Variants in UTRN observed in about 807,000 individuals in gnomAD.
UTRN encodes the protein dystrophin-related protein 1.
Under a neutral mutation model 463.9 loss-of-function variants are expected in UTRN, and 283 were observed. That is an observed-to-expected ratio of 0.61 (90% CI 0.55 to 0.67). The LOEUF (loss-of-function observed/expected upper bound fraction) is 0.67. Among genes scored for constraint, UTRN ranks in the 30% least tolerant of loss-of-function variants. The probability of loss-of-function intolerance (pLI) is 0.00; values close to 1 mark genes in which losing one functional copy is unlikely to be tolerated. For synonymous variants in UTRN, 1,442 were observed against 1,431.5 expected, an observed-to-expected ratio of 1.01 and a Z score of -0.17; for missense variants, 3,922 against 4,084.3, an observed-to-expected ratio of 0.96 and a Z score of 1.08.
intron 2 of UTRN, among the ~76,000 whole-genome samples, chr6:144,296,134 C>G (rs1033633493): frequency 5.3e-5 from 8 of 152,186 alleles, no homozygotes; most frequent in African/African-American, 1.9e-4. Context: ...ACAGGGCTCC[C>G]CAACTCCCAG....
At chr6:144,357,317 G>A (rs1198198062) in intron 2 of UTRN, among the ~76,000 whole-genome samples, 1 of 152,178 alleles carries the variant, frequency 6.6e-6, no homozygotes, top group African/African-American at 2.4e-5. Flanking sequence ...CCTGTTATTT[G>A]TTAAGTTAAG....
At position 144,625,893 on chromosome 6, in the gene UTRN, A is replaced by G. The variant is rs554253980; in HGVS notation, c.7479+48605A>G. On this transcript the variant is annotated intron_variant, in intron 51 of 74. Transcript: ENST00000367545. ...TAATTGTTTTGAAAACATAAACAAA[A>G]CTGGAGATTTTATAAAGCCTTGTTC... 7.9e-5 allele frequency among the ~76,000 whole-genome samples: 12 copies of G among 152,316 alleles called. No homozygotes were observed. The East Asian group carries it at 2.3e-3, about 29-fold the overall frequency.
intron 10 of UTRN, among the ~76,000 whole-genome samples, chr6:144,436,734 G>A (rs1044252456): frequency 2.8e-5 from 4 of 144,166 alleles, no homozygotes; most frequent in African/African-American, 1.0e-4. Context: ...TTCCTCTTGG[G>A]TGAGTATGGT....
At chr6:144,590,282 C>T (rs1446541300) in intron 51 of UTRN, among the ~76,000 whole-genome samples, 2 of 152,106 alleles carry the variant, frequency 1.3e-5, no homozygotes, top group Non-Finnish European at 1.5e-5. Flanking sequence ...GTTCATTTTG[C>T]ACTTTGATAA....
Position 144,424,112 on chromosome 6 carries a change from T to C in UTRN, c.405+34T>C, listed in dbSNP as rs1340260315. ...ATTTCCAATCACTTTTTAATAGAGA[T>C]GGAAAATGTGTTGTTTGTCTTTTAG... On this transcript the variant is annotated intron_variant, in intron 6 of 74. Coordinates refer to ENST00000367545, the MANE Select transcript of UTRN (RefSeq NM_007124.3). 4 of 1,596,656 alleles carry C rather than the reference T, an allele frequency of 2.5e-6. No homozygotes were observed. In the Admixed American group the frequency reaches 6.8e-5, roughly 27 times the overall value.
Position 144,818,536 on chromosome 6 carries a change from C to T in UTRN, c.9358-2346C>T, listed in dbSNP as rs577072052. ...CTGGCCTAAGAGATCAAAACTTTTA[C>T]ATTGCTAGGTATGGAGTTTACTCCC... On this transcript the variant is annotated intron_variant, in intron 65 of 74. Coordinates refer to ENST00000367545, the MANE Select transcript of UTRN (RefSeq NM_007124.3). Among the ~76,000 whole-genome samples the T allele has an allele frequency of 3.3e-5, 5 of 152,300 alleles. No homozygotes were observed. The South Asian group carries it at 8.3e-4, about 25-fold the overall frequency.
intron 73 of UTRN, among the ~76,000 whole-genome samples, chr6:144,841,888 G>T (rs1781604375): frequency 6.6e-6 from 1 of 151,956 alleles, no homozygotes; most frequent in Non-Finnish European, 1.5e-5. Context: ...GAGGCAGGTG[G>T]ATCATGAGAT....
At chr6:144,318,573 C>T (rs1237764688) in intron 2 of UTRN, among the ~76,000 whole-genome samples, 1 of 152,178 alleles carries the variant, frequency 6.6e-6, no homozygotes, top group Non-Finnish European at 1.5e-5. Context: ...AGGTGATCCT[C>T]ATGCCTCAGC....
rs747577983 is a variant in UTRN, at chr6:144,757,882, G to C, written c.8435-47G>C. The C allele has an allele frequency of 5.8e-5, 91 of 1,570,962 alleles. 1 individual carries two copies. The South Asian group carries it at 9.6e-4, about 17-fold the overall frequency. On this transcript the variant is annotated intron_variant, in intron 57 of 74. Coordinates refer to ENST00000367545, the MANE Select transcript of UTRN (RefSeq NM_007124.3). ...CAGTTGTTTTGCATTAAGGTGTAAG[G>C]CTTTTTGGTTTCCAACGTTTCCAAT...
intron 14 of UTRN, among the ~76,000 whole-genome samples, chr6:144,445,648 A>T (rs1015557874): frequency 2.6e-5 from 4 of 151,640 alleles, no homozygotes; most frequent in African/African-American, 7.3e-5. Context: ...TTTACATTTC[A>T]TGTTACAAAT....
At chr6:144,649,540 G>A (rs570975085) in intron 51 of UTRN, among the ~76,000 whole-genome samples, 4 of 152,280 alleles carry the variant, frequency 2.6e-5, no homozygotes, top group Non-Finnish European at 5.9e-5. Flanking sequence ...CTATTGGACA[G>A]CACTGCATCA....
chr6:144,363,565 A>G lies in UTRN; in HGVS notation c.80-39558A>G, dbSNP rs148515059. ...GTAGCAAACCTGCAGATGGGCAGAG[A>G]TACAAACTCACTCAACTCACATTAC... On this transcript the variant is annotated intron_variant, in intron 2 of 74. Coordinates refer to ENST00000367545, the MANE Select transcript of UTRN (RefSeq NM_007124.3). Among the ~76,000 whole-genome samples the G allele has an allele frequency of 1.8e-4, 27 of 152,366 alleles. 2 individuals are homozygous for G. The highest frequency in any genetic ancestry group is 6.5e-4 in the African/African-American group (27 of 41,590).
chr6:144,555,282 A>C (rs1184382123), intron 49 of UTRN, among the ~76,000 whole-genome samples: 1 of 152,158 alleles, frequency 6.6e-6, no homozygotes, highest in African/African-American at 2.4e-5. Flanking sequence ...AAGGAGATTT[A>C]ATTGACTCAC....
At chr6:144,382,992 T>C (rs755067182) in intron 2 of UTRN, among the ~76,000 whole-genome samples, 6 of 152,226 alleles carry the variant, frequency 3.9e-5, no homozygotes, top group Non-Finnish European at 8.8e-5. Flanking sequence ...AGTGCAGTGG[T>C]GTGATCATGG....
intron 62 of UTRN, among the ~76,000 whole-genome samples, chr6:144,791,522 A>G (rs910222524): frequency 6.6e-6 from 1 of 151,918 alleles, no homozygotes; most frequent in African/African-American, 2.4e-5. Flanking sequence ...GCAATGAGCC[A>G]TGGTCGGACC....
At chr6:144,522,459 A>G (rs1221812643) in intron 40 of UTRN, among the ~76,000 whole-genome samples, 1 of 152,222 alleles carries the variant, frequency 6.6e-6, no homozygotes, top group East Asian at 1.9e-4. Flanking sequence ...CCTGTCTTAT[A>G]AACTAGATTG....
At chr6:144,842,817 C>A (rs1781701302) in intron 73 of UTRN, among the ~76,000 whole-genome samples, 1 of 151,924 alleles carries the variant, frequency 6.6e-6, no homozygotes, top group Non-Finnish European at 1.5e-5. Context: ...TCCCCACCTC[C>A]CCACCCCCCA....
intron 51 of UTRN, among the ~76,000 whole-genome samples, chr6:144,621,265 A>T (rs548942142): frequency 6.6e-6 from 1 of 152,224 alleles, no homozygotes; most frequent in Non-Finnish European, 1.5e-5. Context: ...AACATTGATT[A>T]TGAACCATTT....
intron 2 of UTRN, among the ~76,000 whole-genome samples, chr6:144,346,875 C>CTATCTATCT (rs1554221281): frequency 6.6e-6 from 1 of 151,096 alleles, no homozygotes; most frequent in African/African-American, 2.5e-5. Context: ...ATCTATGTAT[C>CTATCTATCT]ATCTATCTAT....
Sources: gnomAD v4.1 joint callset for allele counts (sites outside exome capture counted in the v4.1 genomes callset) on GRCh38, gnomAD v4.1.1 for gene constraint, MANE v1.5 for transcripts, NCBI Gene and HGNC (gene_info 2026-07-23, HGNC 2026-07-21) for gene names.